WNT9B: variants seen among roughly 807,000 people sequenced by gnomAD.
WNT9B encodes the protein Wnt family member 9B, also known as protein Wnt-9b.
Under a neutral mutation model 30.2 loss-of-function variants are expected in WNT9B, and 12 were observed. The observed-to-expected ratio is 0.40, with a 90% CI of 0.26 to 0.64. The LOEUF is 0.64. Ranked by LOEUF, WNT9B falls within the 30% of genes least tolerant of loss-of-function variation. WNT9B has a pLI of 0.42. For synonymous variants in WNT9B, 218 were observed against 216.9 expected (o/e 1.01, Z -0.05); for missense variants, 442 against 485.2 (o/e 0.91, Z 0.84).
At chr17:46,861,628 C>T (rs1031691077) in intron 1 of WNT9B, among the ~76,000 whole-genome samples, 1 of 152,216 alleles carries the variant, frequency 6.6e-6, no homozygotes, top group East Asian at 1.9e-4. Flanking sequence ...ATGCTGGTAG[C>T]AGCAGACATG....
At chr17:46,869,206 C>T (rs1243486240) in intron 1 of WNT9B, among the ~76,000 whole-genome samples, 1 of 152,184 alleles carries the variant, frequency 6.6e-6, no homozygotes, top group Non-Finnish European at 1.5e-5. Context: ...AGTGTCATTA[C>T]CACTAATAAA....
At chr17:46,883,177 T>A (rs1248187411), downstream of WNT9B, among the ~76,000 whole-genome samples, 1 of 151,690 alleles carries the variant, frequency 6.6e-6, no homozygotes, top group Non-Finnish European at 1.5e-5. Flanking sequence ...AGAGACGGGG[T>A]TTCACCACGT....
intron 1 of WNT9B, among the ~76,000 whole-genome samples, chr17:46,867,715 G>A (rs1232310707): frequency 7.1e-6 from 1 of 141,486 alleles, no homozygotes; most frequent in Non-Finnish European, 1.5e-5. Context: ...GTGTTGGAGA[G>A]TGTGAAAGGA....
At chr17:46,837,000 T>A (rs2084640028) in intron 1 of WNT9B, among the ~76,000 whole-genome samples, 2 of 152,176 alleles carry the variant, frequency 1.3e-5, no homozygotes, top group Admixed American at 6.5e-5. Context: ...TGTAGTGCAG[T>A]GGCGTGATCT....
rs768284364 is a variant in WNT9B, at chr17:46,876,307, G to T, written c.663G>T (p.Val221=). Residue 221 remains valine (V), a synonymous_variant, in exon 4 of 4, where the codon GTG becomes GTT. Transcript: ENST00000290015. The stretch of plus-strand genomic sequence containing the variant: ...ATGGCGTATCAGGCTCCTGTGCCGT[G>T]CGCACCTGCTGGAAGCAGCTCTCCC... ...KCHGVSGSCA[V]RTCWKQLSPF... is the part of the protein sequence containing the mutation. 1 of 1,614,200 alleles carries T rather than the reference G, an allele frequency of 6.2e-7. No individual in the cohort carries two copies. The highest frequency in any genetic ancestry group is 1.3e-5 in the African/African-American group (1 of 75,072).
intron 1 of WNT9B, among the ~76,000 whole-genome samples, chr17:46,842,100 G>A (rs1344364377): frequency 1.3e-5 from 2 of 152,240 alleles, no homozygotes; most frequent in Non-Finnish European, 1.5e-5. Context: ...CCCACCACTT[G>A]CCTTCTCACA....
Position 46,851,687 on chromosome 17 carries a change from C to T in WNT9B, c.49C>T (p.Leu17=). 2 of 1,310,756 alleles carry T rather than the reference C, an allele frequency of 1.5e-6. No individual in the cohort carries two copies. The highest frequency in any genetic ancestry group is 1.9e-6 in the Non-Finnish European group (2 of 1,034,622). 81.2% of individuals were successfully genotyped at this position (1,310,756 alleles called of 1,614,324 possible). ...CCTGGCCGGGCTCTGCCTGCTGGCGCTGCCCGCCGCCGCCGCCTCCTACTT... is the reference window on the plus strand; with the variant it reads ...CCTGGCCGGGCTCTGCCTGCTGGCGTTGCCCGCCGCCGCCGCCTCCTACTT... The part of the protein sequence containing the change: ...LALAGLCLLA[L]PAAAASYFGL... Residue 17 remains leucine (L), a synonymous_variant, in exon 1 of 4, where the codon CTG becomes TTG. Coordinates refer to ENST00000290015, the MANE Select transcript of WNT9B (RefSeq NM_003396.3). This position sits in a 1 kb window ranked among gnomAD's most constrained non-coding sequence, Gnocchi z 4.3.
At position 46,879,185 on chromosome 17, in the gene WNT9B, G is replaced by T. The variant is rs192837779; in HGVS notation, c.*2467G>T. 1.3e-5 allele frequency among the ~76,000 whole-genome samples: 2 copies of T among 152,340 alleles called. No individual in the cohort carries two copies. Among genetic ancestry groups the T allele is most frequent in the East Asian group, 1.9e-4 (1 of 5,186 alleles). On this transcript the variant is annotated 3_prime_UTR_variant, in exon 4 of 4. Transcript: ENST00000290015. The stretch of plus-strand genomic sequence containing the variant: ...ATATAGTTGCTATATTTCACAGACA[G>T]CACAGGTGGGGTTTGTGTATTTTCC...
intron 1 of WNT9B, among the ~76,000 whole-genome samples, chr17:46,840,276 C>T (rs2084697609): frequency 1.3e-5 from 2 of 151,938 alleles, no homozygotes; most frequent in Admixed American, 6.6e-5. Context: ...TTAGTAGAGA[C>T]GGGGTTTCAC....
rs760338760 is a variant in WNT9B at position 46,875,271 on chromosome 17, A to G, written c.505A>G (p.Ser169Gly). 1.2e-6 allele frequency: 2 copies of G among 1,614,214 alleles called. No individual in the cohort carries two copies. Among genetic ancestry groups the G allele is most frequent in the East Asian group, 4.5e-5 (2 of 44,882 alleles). Residue 169 changes from serine (S) to glycine (G), a missense_variant, in exon 3 of 4, where the codon AGC becomes GGC. Transcript: ENST00000290015. ...CGTGTGCGGTGACAACCTCAAGTACAGCACCAAGTTTCTGAGCAACTTCCT... is the reference window on the plus strand; with the variant it reads ...CGTGTGCGGTGACAACCTCAAGTACGGCACCAAGTTTCTGAGCAACTTCCT... ...WGVCGDNLKY[S>G]TKFLSNFLGS...
At chr17:46,833,966 CA>C (rs1418711942) in intron 1 of WNT9B, among the ~76,000 whole-genome samples, 4 of 152,114 alleles carry the variant, frequency 2.6e-5, no homozygotes, top group African/African-American at 7.2e-5. Flanking sequence ...GAGTCTGAGG[CA>C]GGAGGATCAC....
intron 1 of WNT9B, among the ~76,000 whole-genome samples, chr17:46,839,250 AGCTCTGAACTCAT>A (rs1225167476): frequency 1.3e-5 from 2 of 152,244 alleles, no homozygotes; most frequent in African/African-American, 4.8e-5. Flanking sequence ...TTATTCTATT[AGCTCTGAACTCAT>A]GCTAATATGT....
upstream of WNT9B, among the ~76,000 whole-genome samples, chr17:46,850,574 T>C (rs1254970595): frequency 6.6e-6 from 1 of 152,194 alleles, no homozygotes; most frequent in Non-Finnish European, 1.5e-5. Flanking sequence ...TTGACATTCA[T>C]TGCAAGTTAT....
At chr17:46,869,098 G>A (rs1480907927) in intron 1 of WNT9B, among the ~76,000 whole-genome samples, 1 of 152,170 alleles carries the variant, frequency 6.6e-6, no homozygotes, top group East Asian at 1.9e-4. Context: ...GCAGTGCCAG[G>A]GAGCCTTCTT....
intron 2 of WNT9B, 24 bp from the exon 3 acceptor site, chr17:46,875,077 T>G: frequency 6.2e-7 from 1 of 1,613,448 alleles, no homozygotes; most frequent in Non-Finnish European, 8.5e-7. Context: ...CCTCCCTCCC[T>G]ATGCCCCTGG....
At chr17:46,854,286 T>C (rs759148023) in intron 1 of WNT9B, among the ~76,000 whole-genome samples, 1 of 152,356 alleles carries the variant, frequency 6.6e-6, no homozygotes, top group Non-Finnish European at 1.5e-5. Flanking sequence ...ATCAGTCATC[T>C]ACACTGTAGT....
chr17:46,853,906 G>A (rs1186033523), intron 1 of WNT9B, among the ~76,000 whole-genome samples: 1 of 152,168 alleles, frequency 6.6e-6, no homozygotes, highest in Non-Finnish European at 1.5e-5. Context: ...GAAGGGAAAG[G>A]TGTTCTCAGC....
intron 1 of WNT9B, among the ~76,000 whole-genome samples, chr17:46,871,567 C>T (rs1048129159): frequency 2.0e-5 from 3 of 152,162 alleles, no homozygotes; most frequent in African/African-American, 7.2e-5. Flanking sequence ...GAAGGTAGGC[C>T]TGCTTGTCCC....
At chr17:46,840,225 T>C (rs923040846) in intron 1 of WNT9B, among the ~76,000 whole-genome samples, 1 of 151,996 alleles carries the variant, frequency 6.6e-6, no homozygotes. Context: ...TAGCTGGTAC[T>C]ACAGGTGCCC....
Sources: gnomAD v4.1 joint callset for allele counts (sites outside exome capture counted in the v4.1 genomes callset) on GRCh38, gnomAD v4.1.1 for gene constraint, Gnocchi (gnomAD v3.1) non-coding constraint, MANE v1.5 for transcripts, NCBI Gene and HGNC (gene_info 2026-07-23, HGNC 2026-07-21) for gene names.